Variants in TNKS1BP1 observed in about 807,000 individuals in gnomAD.
TNKS1BP1 encodes CCR4-NOT transcription complex subunit 12, also known as 182 kDa tankyrase-1-binding protein.
TNKS1BP1 carries 48 observed loss-of-function variants against 141.1 expected under a neutral mutation model. The ratio of observed to expected loss-of-function variants is 0.34; its 90% CI spans 0.27 to 0.43. TNKS1BP1 has a LOEUF of 0.43. Among genes scored for constraint, TNKS1BP1 ranks in the 20% least tolerant of loss-of-function variants. The pLI, the probability that TNKS1BP1 is intolerant of heterozygous loss-of-function variation, is 1.00. For synonymous variants in TNKS1BP1, 875 were observed against 898.2 expected (o/e 0.97, Z 0.46); for missense variants, 2,149 against 2,226.0 (o/e 0.97, Z 0.70).
At chr11:57,317,407 T>C (rs958275318) in intron 4 of TNKS1BP1, among the ~76,000 whole-genome samples, 1 of 152,248 alleles carries the variant, frequency 6.6e-6, no homozygotes, top group East Asian at 1.9e-4. Flanking sequence ...GCAGACACAG[T>C]AGCTGCTGCC....
chr11:57,319,414 T>C (rs1428163316), intron 3 of TNKS1BP1, among the ~76,000 whole-genome samples: 3 of 152,158 alleles, frequency 2.0e-5, no homozygotes, highest in Admixed American at 2.0e-4. Context: ...AATACTCCCT[T>C]GAACAAACAG....
intron 4 of TNKS1BP1, among the ~76,000 whole-genome samples, chr11:57,316,914 C>T (rs550563134): frequency 6.6e-5 from 10 of 152,310 alleles, no homozygotes; most frequent in East Asian, 5.8e-4. Context: ...TAGAGGCCTT[C>T]GAGACTTGAC....
chr11:57,317,989 A>C, intron 3 of TNKS1BP1, 102 bp from the exon 4 acceptor site: 1 of 1,066,112 alleles, frequency 9.4e-7, no homozygotes, highest in Non-Finnish European at 1.4e-6. Flanking sequence ...ACAGCACCCA[A>C]AGGTTAAACC....
chr11:57,320,020 C>CCCCCCAA, intron 3 of TNKS1BP1, 59 bp downstream of exon 3: 1 of 1,213,902 alleles, frequency 8.2e-7, no homozygotes, highest in Non-Finnish European at 1.2e-6. Flanking sequence ...AGCCCCCACC[C>CCCCCCAA]AATCCCACCC....
chr11:57,305,093 G>A (rs553685473), intron 6 of TNKS1BP1, among the ~76,000 whole-genome samples: 31 of 152,168 alleles, frequency 2.0e-4, no homozygotes, highest in African/African-American at 7.5e-4. Flanking sequence ...CCCAGATCAT[G>A]TATAAGCTGA....
Position 57,300,560 on chromosome 11 carries a change from G to C in TNKS1BP1, c.5170C>G (p.Leu1724Val). ...ACTTCTCAGACCTTCTTCTTCTTCA[G>C]TTTCAGGGCTTGAAGCCAGTTGGGC... is the stretch of plus-strand genomic sequence containing the variant. ...SSPNWLQALK[L>V]KKKKV The change falls in exon 11 of 12, where the codon CTG (leucine) becomes GTG (valine). Residue 1724 changes from leucine to valine, a missense_variant. Transcript: ENST00000358252. The C allele has an allele frequency of 6.2e-7, 1 of 1,614,238 alleles. No homozygotes were observed. The highest frequency in any genetic ancestry group is 8.5e-7 in the Non-Finnish European group (1 of 1,180,042).
chr11:57,313,622 G>T lies in TNKS1BP1; in HGVS notation c.1066C>A (p.Leu356Ile). ...EGSRHTPSPGLPAEGAPEAPR... is the reference protein window; with the variant it reads ...EGSRHTPSPGIPAEGAPEAPR... The stretch of plus-strand genomic sequence containing the variant: ...GCCTCTGGAGCCCCCTCGGCAGGGA[G>T]CCCCGGGCTGGGGGTGTGGCGGGAG... The change falls in exon 5 of 12, where the codon CTC becomes ATC. Residue 356 changes from leucine to isoleucine, a missense_variant. Leu to Ile is a conservative substitution (Grantham distance 5, BLOSUM62 2). Coordinates refer to ENST00000358252, the MANE Select transcript of TNKS1BP1 (RefSeq NM_033396.3). The T allele has an allele frequency of 6.3e-7, 1 of 1,591,270 alleles. No individual in the cohort carries two copies. Among genetic ancestry groups the T allele is most frequent in the Non-Finnish European group, 8.6e-7 (1 of 1,168,784 alleles).
At chr11:57,317,680 G>A in intron 4 of TNKS1BP1, 138 bp downstream of exon 4, 3 of 941,412 alleles carry the variant, frequency 3.2e-6, no homozygotes, top group South Asian at 3.3e-5. Context: ...AAATCCCAGG[G>A]CCAGCCCTCC....
intron 4 of TNKS1BP1, among the ~76,000 whole-genome samples, chr11:57,315,668 C>T (rs933470252): frequency 6.6e-6 from 1 of 151,840 alleles, no homozygotes; most frequent in Non-Finnish European, 1.5e-5. Context: ...TCCACACCTC[C>T]CCCAATCCTC....
At position 57,309,042 on chromosome 11, in the gene TNKS1BP1, C is replaced by T; in HGVS notation, c.3669G>A (p.Gly1223=). ...TAACATCAGAAGTCCAGTCCTTCTC[C>T]CCAACTCCGATTCCCCCCGGCTCTT... ...GSEEPGGIGV[G]EKDWTSDVNV... is the part of the protein sequence containing the mutation. Residue 1223 remains glycine (G), a synonymous_variant, in exon 6 of 12, where the codon GGG becomes GGA. Transcript: ENST00000358252. This position sits in a 1 kb window ranked among gnomAD's most constrained non-coding sequence, Gnocchi z 4.3. The T allele has an allele frequency of 6.2e-7, 1 of 1,614,174 alleles. No individual in the cohort carries two copies. Among genetic ancestry groups the T allele is most frequent in the Non-Finnish European group, 8.5e-7 (1 of 1,180,032 alleles).
Position 57,302,430 on chromosome 11 carries a change from C to T in TNKS1BP1, c.4683+29G>A, listed in dbSNP as rs777232792. 1.3e-6 allele frequency: 2 copies of T among 1,563,204 alleles called. No homozygotes were observed. Among genetic ancestry groups the T allele is most frequent in the Non-Finnish European group, 1.7e-6 (2 of 1,149,342 alleles). Reference sequence around the variant, plus strand: ...CTCTCGCTGCATCGCCCTCACCCACCCACTGTCATGGGCTCACCCTCCACT... The same window carrying T: ...CTCTCGCTGCATCGCCCTCACCCACTCACTGTCATGGGCTCACCCTCCACT... On this transcript the variant is annotated intron_variant, in intron 7 of 11. Coordinates refer to ENST00000358252, the MANE Select transcript of TNKS1BP1 (RefSeq NM_033396.3). The surrounding 1 kb of genome is among the most constrained non-coding windows in gnomAD (Gnocchi z 5.5).
chr11:57,309,334 A>G lies in TNKS1BP1; in HGVS notation c.3377T>C (p.Ile1126Thr). Residue 1126 changes from isoleucine to threonine, a missense_variant, in exon 6 of 12, where the codon ATC becomes ACC. Physicochemically the swap from Ile to Thr is moderately conservative, Grantham distance 89. Transcript: ENST00000358252. The surrounding 1 kb of genome is among the most constrained non-coding windows in gnomAD (Gnocchi z 4.3). Reference sequence around the variant, plus strand: ...ACCACTCACTCTGTCGTTGCCAATGATGCCAAACTGATAGCTCCTCTCACT... The same window carrying G: ...ACCACTCACTCTGTCGTTGCCAATGGTGCCAAACTGATAGCTCCTCTCACT... ...EASERSYQFGIIGNDRVSGAG... is the reference protein window; with the variant it reads ...EASERSYQFGTIGNDRVSGAG... The G allele has an allele frequency of 6.2e-7, 1 of 1,614,096 alleles. No homozygotes were observed. Among genetic ancestry groups the G allele is most frequent in the Non-Finnish European group, 8.5e-7 (1 of 1,180,014 alleles).
At position 57,302,660 on chromosome 11, in the gene TNKS1BP1, C is replaced by T. The variant is rs761629633; in HGVS notation, c.4482G>A (p.Glu1494=). Residue 1494 remains glutamate, a synonymous_variant, in exon 7 of 12, where the codon GAG becomes GAA. Coordinates refer to ENST00000358252, the MANE Select transcript of TNKS1BP1 (RefSeq NM_033396.3). This position sits in a 1 kb window ranked among gnomAD's most constrained non-coding sequence, Gnocchi z 5.5. ...AGTCCCTGCCAGGCTCCAGCACCTCCTCTTGGGCAGCACCTGCCCCGGCTC... is the reference window on the plus strand; with the variant it reads ...AGTCCCTGCCAGGCTCCAGCACCTCTTCTTGGGCAGCACCTGCCCCGGCTC... ...EEGAGAGAAQ[E]EVLEPGRDSP... is the part of the protein sequence containing the mutation. 1 of 1,609,752 alleles carries T rather than the reference C, an allele frequency of 6.2e-7. No homozygotes were observed. Among genetic ancestry groups the T allele is most frequent in the Admixed American group, 1.7e-5 (1 of 59,904 alleles).
Position 57,310,425 on chromosome 11 carries a change from G to A in TNKS1BP1, c.2286C>T (p.Ser762=), listed in dbSNP as rs1855687893. ...ASQDYGLGGA[S]PRGDPGLGER... Reference sequence around the variant, plus strand: ...CTCCGAGACCTGGGTCTCCTCTAGGGCTTGCACCCCCAAGGCCATAGTCCT... The same window carrying A: ...CTCCGAGACCTGGGTCTCCTCTAGGACTTGCACCCCCAAGGCCATAGTCCT... The change falls in exon 6 of 12, where the codon AGC becomes AGT. Residue 762 remains serine (S), a synonymous_variant. Coordinates refer to ENST00000358252, the MANE Select transcript of TNKS1BP1 (RefSeq NM_033396.3). 1.5e-5 allele frequency: 24 copies of A among 1,613,916 alleles called. No individual in the cohort carries two copies. The highest frequency in any genetic ancestry group is 1.9e-5 in the Non-Finnish European group (23 of 1,180,016).
chr11:57,315,850 G>A (rs1434624855), intron 4 of TNKS1BP1, among the ~76,000 whole-genome samples: 1 of 151,740 alleles, frequency 6.6e-6, no homozygotes, highest in Non-Finnish European at 1.5e-5. Flanking sequence ...TTGGGGCTGA[G>A]GTCAATCCCT....
Position 57,309,750 on chromosome 11 carries a change from G to T in TNKS1BP1, c.2961C>A (p.Ser987Arg). The T allele has an allele frequency of 6.2e-7, 1 of 1,614,180 alleles. No homozygotes were observed. Among genetic ancestry groups the T allele is most frequent in the South Asian group, 1.1e-5 (1 of 91,078 alleles). Residue 987 changes from serine to arginine, a missense_variant, in exon 6 of 12, where the codon AGC (serine) becomes AGA (arginine). By Grantham distance (110) the Ser-to-Arg change is moderately radical. Transcript: ENST00000358252. This position sits in a 1 kb window ranked among gnomAD's most constrained non-coding sequence, Gnocchi z 4.3. The stretch of plus-strand genomic sequence containing the variant: ...CATCCTGTTGCTGGGCTTCCTCGGG[G>T]CTGAACCCAGAGCTCAGGGGTCTCG... ...FGTRPLSSGF[S>R]PEEAQQQDEE...
chr11:57,300,571 T>A lies in TNKS1BP1; in HGVS notation c.5159A>T (p.Gln1720Leu), dbSNP rs1243668561. 9 of 1,614,226 alleles carry A rather than the reference T, an allele frequency of 5.6e-6. No homozygotes were observed. The highest frequency in any genetic ancestry group is 7.6e-6 in the Non-Finnish European group (9 of 1,180,040). Residue 1720 changes from glutamine (Q) to leucine (L), a missense_variant, in exon 11 of 12, where the codon CAA (glutamine) becomes CTA (leucine). Physicochemically the swap from Gln to Leu is moderately radical, Grantham distance 113 (BLOSUM62 -2). Transcript: ENST00000358252. ...GSEGSSPNWLQALKLKKKKV is the reference protein window; with the variant it reads ...GSEGSSPNWLLALKLKKKKV ...CTTCTTCTTCTTCAGTTTCAGGGCT[T>A]GAAGCCAGTTGGGCGACGATCCTTC...
At chr11:57,320,022 ATCCC>A in intron 3 of TNKS1BP1, 53 bp downstream of exon 3, 19 of 1,118,672 alleles carry the variant, frequency 1.7e-5, no homozygotes, top group East Asian at 6.2e-5. Flanking sequence ...CCCCCACCCA[ATCCC>A]ACCCCACCTG....
At chr11:57,323,868 T>C (rs1476945783) in intron 1 of TNKS1BP1, among the ~76,000 whole-genome samples, 2 of 152,222 alleles carry the variant, frequency 1.3e-5, no homozygotes, top group East Asian at 3.8e-4. Context: ...TCCTTTCACC[T>C]GGGGTTCTGA....
Sources: allele counts gnomAD v4.1 joint callset (sites outside exome capture counted in the v4.1 genomes callset), GRCh38; gene constraint gnomAD v4.1.1; non-coding constraint Gnocchi (gnomAD v3.1); transcripts MANE v1.5; gene names NCBI Gene and HGNC (gene_info 2026-07-23, HGNC 2026-07-21).